The following TSPAN5 variants were observed in gnomAD, a reference collection of about 807,000 sequenced individuals.
TSPAN5 encodes tetraspanin-5.
In TSPAN5, 10 loss-of-function variants were observed where a neutral mutation model predicts 37.1. The ratio of observed to expected loss-of-function variants is 0.27; its 90% CI spans 0.17 to 0.46. The LOEUF (loss-of-function observed/expected upper bound fraction) is 0.46, where lower values mean the gene tolerates loss of function less well. Among genes scored for constraint, TSPAN5 ranks in the 20% least tolerant of loss-of-function variants. The probability of loss-of-function intolerance (pLI) is 1.00; values close to 1 mark genes in which losing one functional copy is unlikely to be tolerated. For missense variants in TSPAN5, 195 were observed against 326.6 expected (o/e 0.60, Z 3.11); for synonymous variants, 110 against 118.9 (o/e 0.93, Z 0.48).
At position 98,615,923 on chromosome 4, in the gene TSPAN5, C is replaced by T. The variant is rs535089488; in HGVS notation, c.81+42223G>A. On this transcript the variant is annotated intron_variant, in intron 1 of 7. Transcript: ENST00000305798. Reference sequence around the variant, plus strand: ...CAAAGTTCTGCGAAATGTCAGGGCACGTGGCAACTACAGCAAGAGAAGAAG... The same window carrying T: ...CAAAGTTCTGCGAAATGTCAGGGCATGTGGCAACTACAGCAAGAGAAGAAG... Among the ~76,000 whole-genome samples the T allele has an allele frequency of 3.9e-5, 6 of 152,126 alleles. No individual in the cohort carries two copies. In the South Asian group the frequency reaches 8.3e-4, roughly 21 times the overall value.
chr4:98,651,218 G>T (rs1348832583), intron 1 of TSPAN5, among the ~76,000 whole-genome samples: 1 of 152,164 alleles, frequency 6.6e-6, no homozygotes, highest in African/African-American at 2.4e-5. Context: ...TACCAAAGAT[G>T]CACAGCCTGA....
At chr4:98,657,375 A>C (rs946273829) in intron 1 of TSPAN5, 1 of 115,148 alleles carries the variant, frequency 8.7e-6, no homozygotes, top group Non-Finnish European at 1.7e-5. Flanking sequence ...ATTTCTACAA[A>C]GGTTCCCCCA....
intron 1 of TSPAN5, among the ~76,000 whole-genome samples, chr4:98,559,180 T>C (rs1414835935): frequency 3.3e-5 from 5 of 152,314 alleles, no homozygotes; most frequent in South Asian, 2.1e-4. Context: ...TTCCCTCCCA[T>C]GTTTTCTACA....
At chr4:98,472,994 T>C (rs1401796062) in intron 7 of TSPAN5, among the ~76,000 whole-genome samples, 1 of 152,230 alleles carries the variant, frequency 6.6e-6, no homozygotes, top group Non-Finnish European at 1.5e-5. Flanking sequence ...AAGGTTCATA[T>C]ACATGTGCTA....
At chr4:98,641,109 G>A (rs1164046969) in intron 1 of TSPAN5, among the ~76,000 whole-genome samples, 2 of 152,148 alleles carry the variant, frequency 1.3e-5, no homozygotes, top group Admixed American at 1.3e-4. Context: ...TTGGGAAGAG[G>A]AGGGGAGAAA....
At chr4:98,528,267 A>T (rs957100369) in intron 1 of TSPAN5, among the ~76,000 whole-genome samples, 1 of 152,222 alleles carries the variant, frequency 6.6e-6, no homozygotes, top group Admixed American at 6.5e-5. Context: ...CAAGGTTGAC[A>T]TAAGTTATTA....
At chr4:98,650,501 G>A (rs1022350630) in intron 1 of TSPAN5, among the ~76,000 whole-genome samples, 9 of 152,162 alleles carry the variant, frequency 5.9e-5, no homozygotes, top group Non-Finnish European at 8.8e-5. Context: ...AGAATAATGC[G>A]AACCAAGAAT....
chr4:98,550,543 G>T (rs1416548029), intron 1 of TSPAN5, among the ~76,000 whole-genome samples: 3 of 149,116 alleles, frequency 2.0e-5, no homozygotes, highest in African/African-American at 7.4e-5. Flanking sequence ...TGTCTGTGTT[G>T]TCTATGATTA....
chr4:98,615,664 T>C (rs1177938321), intron 1 of TSPAN5, among the ~76,000 whole-genome samples: 1 of 152,148 alleles, frequency 6.6e-6, no homozygotes, highest in Non-Finnish European at 1.5e-5. Flanking sequence ...CTACTAAAAA[T>C]ACCAAAATTA....
At chr4:98,497,891 G>A (rs1266857222) in intron 2 of TSPAN5, among the ~76,000 whole-genome samples, 2 of 152,188 alleles carry the variant, frequency 1.3e-5, no homozygotes, top group Admixed American at 6.5e-5. Flanking sequence ...TGGCCCAGTG[G>A]GGCCTCTATG....
intron 1 of TSPAN5, among the ~76,000 whole-genome samples, chr4:98,543,573 G>A (rs1232108508): frequency 3.3e-5 from 5 of 151,148 alleles, no homozygotes; most frequent in Non-Finnish European, 7.4e-5. Context: ...CCGACACCAC[G>A]CCAGGCTAAT....
intron 1 of TSPAN5, among the ~76,000 whole-genome samples, chr4:98,599,840 C>A (rs1473479131): frequency 6.6e-6 from 1 of 152,132 alleles, no homozygotes; most frequent in Non-Finnish European, 1.5e-5. Context: ...GTGATGGATT[C>A]TTGGGTTGTT....
intron 1 of TSPAN5, among the ~76,000 whole-genome samples, chr4:98,636,503 C>G (rs549024578): frequency 6.6e-6 from 1 of 152,212 alleles, no homozygotes; most frequent in East Asian, 1.9e-4. Flanking sequence ...AGAGAAATCT[C>G]CTGCAGTAGA....
intron 2 of TSPAN5, among the ~76,000 whole-genome samples, chr4:98,497,847 C>T (rs957309135): frequency 3.9e-5 from 6 of 152,124 alleles, no homozygotes; most frequent in African/African-American, 1.4e-4. Context: ...GCAGAAGGTC[C>T]CATCAGTAAG....
chr4:98,625,235 T>G (rs967644490), intron 1 of TSPAN5, among the ~76,000 whole-genome samples: 1 of 152,210 alleles, frequency 6.6e-6, no homozygotes, highest in East Asian at 1.9e-4. Context: ...AAGGTCTGAT[T>G]GCAAAAATTC....
At chr4:98,636,305 T>G (rs545051757) in intron 1 of TSPAN5, among the ~76,000 whole-genome samples, 1 of 152,346 alleles carries the variant, frequency 6.6e-6, no homozygotes, top group South Asian at 2.1e-4. Flanking sequence ...TATTTTATAA[T>G]GGACATCAAA....
At chr4:98,585,986 G>A (rs1340535626) in intron 1 of TSPAN5, among the ~76,000 whole-genome samples, 1 of 152,162 alleles carries the variant, frequency 6.6e-6, no homozygotes, top group East Asian at 1.9e-4. Flanking sequence ...CTGCTTCTCA[G>A]ACTCTTGAAA....
intron 1 of TSPAN5, among the ~76,000 whole-genome samples, chr4:98,551,066 T>A (rs914276277): frequency 6.6e-6 from 1 of 152,206 alleles, no homozygotes; most frequent in Non-Finnish European, 1.5e-5. Flanking sequence ...GTGTCTCGTA[T>A]GTTGAAGACT....
intron 1 of TSPAN5, 75 bp from the exon 2 acceptor site, chr4:98,507,803 C>T: frequency 9.5e-7 from 1 of 1,053,740 alleles, no homozygotes; most frequent in Non-Finnish European, 1.4e-6. Context: ...TCAATCAATT[C>T]TTTTGTCACT....
Sources: gnomAD v4.1 joint callset for allele counts (sites outside exome capture counted in the v4.1 genomes callset) on GRCh38, gnomAD v4.1.1 for gene constraint, MANE v1.5 for transcripts, NCBI Gene and HGNC (gene_info 2026-07-23, HGNC 2026-07-21) for gene names.